The following ARMH3 variants were observed in gnomAD, a reference collection of about 807,000 sequenced individuals.
ARMH3 encodes armadillo like helical domain containing 3, also known as armadillo-like helical domain-containing protein 3.
A neutral mutation model predicts 99.1 loss-of-function variants in ARMH3; 60 were observed. The observed-to-expected ratio is 0.61, with a 90% CI of 0.49 to 0.75. The LOEUF is 0.75. ARMH3 is among the 30% of genes least tolerant of loss of function. ARMH3 has a pLI of 0.00. For missense variants in ARMH3, 679 were observed against 843.1 expected (o/e 0.81, Z 2.41); for synonymous variants, 285 against 292.8 (o/e 0.97, Z 0.27).
At chr10:102,046,105 AAAAAT>A in intron 1 of ARMH3, among the ~76,000 whole-genome samples, 1 of 152,150 alleles carries the variant, frequency 6.6e-6, no homozygotes, top group Non-Finnish European at 1.5e-5. Flanking sequence ...CAAAAAAAAT[AAAAAT>A]AAAATAACAA....
intron 4 of ARMH3, among the ~76,000 whole-genome samples, chr10:102,032,457 G>C (rs538993102): frequency 2.0e-5 from 3 of 152,298 alleles, no homozygotes; most frequent in African/African-American, 7.2e-5. Context: ...CTGGGGTGCA[G>C]TGGTGCAATC....
chr10:101,954,742 T>G (rs527465219), intron 22 of ARMH3, among the ~76,000 whole-genome samples: 30 of 152,214 alleles, frequency 2.0e-4, no homozygotes, highest in Non-Finnish European at 4.3e-4. Context: ...AAGTTTATAC[T>G]TTATATAAAA....
At chr10:101,885,636 G>C (rs2067521799) in intron 24 of ARMH3, among the ~76,000 whole-genome samples, 1 of 152,214 alleles carries the variant, frequency 6.6e-6, no homozygotes, top group African/African-American at 2.4e-5. Flanking sequence ...GAAATGGGGA[G>C]TAACTGTTTA....
At chr10:101,875,866 C>T (rs1033768586) in intron 24 of ARMH3, among the ~76,000 whole-genome samples, 1 of 152,102 alleles carries the variant, frequency 6.6e-6, no homozygotes, top group African/African-American at 2.4e-5. Flanking sequence ...ATTACAGATC[C>T]AACACACACA....
At chr10:101,992,726 A>G in intron 17 of ARMH3, among the ~76,000 whole-genome samples, 1 of 151,734 alleles carries the variant, frequency 6.6e-6, no homozygotes, top group Non-Finnish European at 1.5e-5. Context: ...CAATCTCCTG[A>G]CCTTGTGATC....
chr10:101,996,090 C>CA (rs924966274), intron 15 of ARMH3, among the ~76,000 whole-genome samples: 2 of 152,092 alleles, frequency 1.3e-5, no homozygotes, highest in African/African-American at 4.8e-5. Flanking sequence ...CACAAAAGGA[C>CA]AAAAAAGAGC....
At chr10:101,930,575 T>G (rs1261846229) in intron 23 of ARMH3, among the ~76,000 whole-genome samples, 2 of 152,026 alleles carry the variant, frequency 1.3e-5, no homozygotes, top group African/African-American at 4.8e-5. Flanking sequence ...TGGTCAGACA[T>G]CTCCTCAAAG....
intron 24 of ARMH3, among the ~76,000 whole-genome samples, chr10:101,852,800 T>C (rs1156397876): frequency 6.6e-6 from 1 of 150,604 alleles, no homozygotes; most frequent in African/African-American, 2.4e-5. Context: ...TCCAGAAGCC[T>C]GGCTGGACTT....
At chr10:101,872,032 T>G (rs1378332490) in intron 24 of ARMH3, among the ~76,000 whole-genome samples, 1 of 151,804 alleles carries the variant, frequency 6.6e-6, no homozygotes, top group Non-Finnish European at 1.5e-5. Flanking sequence ...ATGAACATTT[T>G]TGCAACCAGA....
chr10:101,981,302 C>A (rs1330147814), intron 19 of ARMH3, among the ~76,000 whole-genome samples: 1 of 151,980 alleles, frequency 6.6e-6, no homozygotes, highest in Non-Finnish European at 1.5e-5. Context: ...AGAATGAGAG[C>A]CAGAGACACC....
chr10:101,924,705 A>G (rs1479546157), intron 23 of ARMH3, among the ~76,000 whole-genome samples: 4 of 152,050 alleles, frequency 2.6e-5, no homozygotes, highest in African/African-American at 4.8e-5. Flanking sequence ...AAAATAAAAT[A>G]AAATATGGCC....
chr10:101,937,666 A>G (rs191419671), intron 23 of ARMH3, among the ~76,000 whole-genome samples: 1 of 152,300 alleles, frequency 6.6e-6, no homozygotes, highest in African/African-American at 2.4e-5. Flanking sequence ...AGTACATAAT[A>G]CACCCTATAG....
At chr10:102,027,467 G>T (rs113948782) in intron 5 of ARMH3, among the ~76,000 whole-genome samples, 36 of 152,186 alleles carry the variant, frequency 2.4e-4, no homozygotes, top group Middle Eastern at 3.4e-3. Flanking sequence ...CGTGGGGCCT[G>T]TGAAGACAGC....
At chr10:101,906,948 A>G (rs941873696) in intron 23 of ARMH3, among the ~76,000 whole-genome samples, 3 of 152,334 alleles carry the variant, frequency 2.0e-5, no homozygotes, top group Middle Eastern at 3.4e-3. Context: ...AGTCACTTAC[A>G]TGCCCCATGA....
At chr10:102,022,384 G>A (rs1467588749) in intron 8 of ARMH3, among the ~76,000 whole-genome samples, 1 of 149,942 alleles carries the variant, frequency 6.7e-6, no homozygotes, top group East Asian at 2.0e-4. Context: ...CCCAGCTACT[G>A]GGGAGGCTGA....
chr10:101,928,398 T>C (rs1470866071), intron 23 of ARMH3, among the ~76,000 whole-genome samples: 3 of 152,220 alleles, frequency 2.0e-5, no homozygotes, highest in East Asian at 3.8e-4. Flanking sequence ...GAGCTCAAGA[T>C]TGACTCCCTT....
chr10:102,045,897 C>T (rs2067538561), intron 1 of ARMH3, among the ~76,000 whole-genome samples: 1 of 152,038 alleles, frequency 6.6e-6, no homozygotes, highest in Admixed American at 6.6e-5. Flanking sequence ...GAGTTCGAGA[C>T]CAGCCTAACC....
At chr10:101,999,666 T>C (rs2136050817) in intron 15 of ARMH3, among the ~76,000 whole-genome samples, 1 of 152,340 alleles carries the variant, frequency 6.6e-6, no homozygotes, top group African/African-American at 2.4e-5. Flanking sequence ...ACAGAATTAT[T>C]GTTGACTTTC....
At chr10:101,993,650 G>A in intron 16 of ARMH3, 47 bp from the exon 17 acceptor site, 1 of 1,293,654 alleles carries the variant, frequency 7.7e-7, no homozygotes, top group Non-Finnish European at 1.1e-6. Context: ...CTATATTTAA[G>A]AAACTGTAAT....
Sources: gnomAD v4.1 joint callset for allele counts (sites outside exome capture counted in the v4.1 genomes callset) on GRCh38, gnomAD v4.1.1 for gene constraint, MANE v1.5 for transcripts, NCBI Gene and HGNC (gene_info 2026-07-23, HGNC 2026-07-21) for gene names.